TFG: variants seen among roughly 807,000 people sequenced by gnomAD.
TFG encodes the protein trafficking from ER to golgi regulator.
TFG carries 22 observed loss-of-function variants against 51.4 expected under a neutral mutation model. The ratio of observed to expected loss-of-function variants is 0.43; its 90% CI spans 0.31 to 0.61. The LOEUF (loss-of-function observed/expected upper bound fraction) is 0.61, where lower values mean the gene tolerates loss of function less well. Ranked by LOEUF, TFG falls within the 20% of genes least tolerant of loss-of-function variation. The pLI, the probability that TFG is intolerant of heterozygous loss-of-function variation, is 0.12. For synonymous variants in TFG, 187 were observed against 165.6 expected (o/e 1.13, Z -0.99); for missense variants, 419 against 487.7 (o/e 0.86, Z 1.33).
At chr3:100,718,307 T>G (rs957295359) in intron 2 of TFG, among the ~76,000 whole-genome samples, 1 of 152,218 alleles carries the variant, frequency 6.6e-6, no homozygotes, top group Non-Finnish European at 1.5e-5. Flanking sequence ...TCTTAACTAC[T>G]GTTTAGGGCA....
At chr3:100,731,382 T>C (rs1472740061) in intron 4 of TFG, among the ~76,000 whole-genome samples, 1 of 152,216 alleles carries the variant, frequency 6.6e-6, no homozygotes, top group East Asian at 1.9e-4. Flanking sequence ...CTGTGGAATA[T>C]CTTAGTATCC....
chr3:100,710,757 A>G (rs1477237841), intron 1 of TFG, among the ~76,000 whole-genome samples: 1 of 152,182 alleles, frequency 6.6e-6, no homozygotes, highest in Non-Finnish European at 1.5e-5. Context: ...TCTGGACTTC[A>G]GAGGGGGCGG....
intron 4 of TFG, among the ~76,000 whole-genome samples, chr3:100,729,729 G>A (rs1432406402): frequency 6.6e-6 from 1 of 152,068 alleles, no homozygotes; most frequent in East Asian, 1.9e-4. Context: ...AATTTTTGTG[G>A]ATAAATGGTA....
At position 100,748,952 on chromosome 3, in the gene TFG, A is replaced by ATGAT. The variant is rs1185035226; in HGVS notation, c.*425_*428dup. ...TAACACTGATGATAGGTTAATAAAGATGATTGAATCCATTAGTGGTCTTGA... is the reference window on the plus strand; with the variant it reads ...TAACACTGATGATAGGTTAATAAAGATGATTGATTGAATCCATTAGTGGTCTTGA... On this transcript the variant is annotated 3_prime_UTR_variant, in exon 8 of 8. Transcript: ENST00000240851. The ATGAT allele has an allele frequency of 5.1e-6, 1 of 197,122 alleles. No individual in the cohort carries two copies. Among genetic ancestry groups the ATGAT allele is most frequent in the Non-Finnish European group, 1.0e-5 (1 of 95,432 alleles). The allele number at this position is 197,122 out of a possible 1,614,324, so 12.2% of individuals were successfully genotyped here. A position where few individuals can be genotyped will look rare whatever the true frequency, so the allele number is the denominator to read the frequency against.
At chr3:100,724,191 A>G (rs1443476281) in intron 3 of TFG, among the ~76,000 whole-genome samples, 1 of 152,216 alleles carries the variant, frequency 6.6e-6, no homozygotes, top group Non-Finnish European at 1.5e-5. Context: ...TCAAACAGTT[A>G]CAAAAGGACA....
intron 2 of TFG, among the ~76,000 whole-genome samples, chr3:100,719,480 A>G (rs1465197994): frequency 6.6e-6 from 1 of 152,220 alleles, no homozygotes; most frequent in Admixed American, 6.5e-5. Context: ...TTTCATCTTA[A>G]TATCAAAATG....
intron 2 of TFG, among the ~76,000 whole-genome samples, chr3:100,716,991 T>G (rs890123431): frequency 1.3e-5 from 2 of 152,218 alleles, no homozygotes; most frequent in African/African-American, 2.4e-5. Flanking sequence ...CTGTAAGTTC[T>G]CTTTTCACTC....
chr3:100,723,222 A>T (rs1176881048), intron 3 of TFG, among the ~76,000 whole-genome samples: 1 of 152,202 alleles, frequency 6.6e-6, no homozygotes, highest in Non-Finnish European at 1.5e-5. Flanking sequence ...GAACATTGTA[A>T]TTACCTTTAG....
chr3:100,740,114 T>TA (rs1280745296), intron 6 of TFG, among the ~76,000 whole-genome samples: 1 of 152,068 alleles, frequency 6.6e-6, no homozygotes, highest in African/African-American at 2.4e-5. Context: ...AGAAAAAACT[T>TA]ACATGTTTCT....
rs75776618 is a variant in TFG at position 100,733,773 on chromosome 3, T to G, written c.580+1101T>G. On this transcript the variant is annotated intron_variant, in intron 5 of 7. Coordinates refer to ENST00000240851, the MANE Select transcript of TFG (RefSeq NM_006070.6). Reference sequence around the variant, plus strand: ...TGTTATTGTTGATCTAGCAGGGAGTTGATTTGTATGGACTTAACATAAATA... The same window carrying G: ...TGTTATTGTTGATCTAGCAGGGAGTGGATTTGTATGGACTTAACATAAATA... Among the ~76,000 whole-genome samples, 1,278 of 152,298 alleles carry G rather than the reference T, an allele frequency of 8.4e-3. 23 individuals carry two copies. Among genetic ancestry groups the G allele is most frequent in the African/African-American group, 0.03 (1,227 of 41,564 alleles).
At chr3:100,718,164 C>T (rs557419381) in intron 2 of TFG, among the ~76,000 whole-genome samples, 91 of 152,240 alleles carry the variant, frequency 6.0e-4, no homozygotes, top group African/African-American at 2.1e-3. Context: ...TGGGCTCAAG[C>T]GATCCTCCTG....
Position 100,728,695 on chromosome 3 carries a change from A to G in TFG, c.269-17A>G. 1.9e-6 allele frequency: 3 copies of G among 1,569,444 alleles called. No homozygotes were observed. Among genetic ancestry groups the G allele is most frequent in the Non-Finnish European group, 2.6e-6 (3 of 1,161,392 alleles). ...CATGAACTTCTAATTTTAAGCAAAT[A>G]AATGTTTTTATTTCAGTTAATGGCC... On this transcript the variant is annotated splice_polypyrimidine_tract_variant and intron_variant, in intron 3 of 7. Coordinates refer to ENST00000240851, the MANE Select transcript of TFG (RefSeq NM_006070.6).
Position 100,744,916 on chromosome 3 carries a change from G to A in TFG, c.805G>A (p.Gly269Ser). ...TCCACCTCAGCAGCCTCAACAGTAT[G>A]GTATTCAGTATTCAGGTGAGCAGGT... ...QAPPQQPQQY[G>S]IQYSASYSQQ... Residue 269 changes from glycine (G) to serine (S), a missense_variant, in exon 7 of 8, where the codon GGT becomes AGT. Gly to Ser is a moderately conservative substitution (Grantham distance 56). This residue lies in a region of TFG where 391 missense variants were observed against 434.4 expected (regional missense o/e 0.90). Transcript: ENST00000240851. The A allele has an allele frequency of 6.2e-7, 1 of 1,612,240 alleles. No homozygotes were observed. Among genetic ancestry groups the A allele is most frequent in the East Asian group, 2.2e-5 (1 of 44,846 alleles).
At position 100,748,662 on chromosome 3, in the gene TFG, GTGT is replaced by G; in HGVS notation, c.*133_*135del. 1 of 1,058,174 alleles carries G rather than the reference GTGT, an allele frequency of 9.5e-7. No individual in the cohort carries two copies. Among genetic ancestry groups the G allele is most frequent in the Non-Finnish European group, 1.3e-6 (1 of 770,268 alleles). 65.5% of individuals were successfully genotyped at this position (1,058,174 alleles called of 1,614,324 possible). A position where few individuals can be genotyped will look rare whatever the true frequency, so the allele number is the denominator to read the frequency against. Reference sequence around the variant, plus strand: ...AGCATTTTTTATGATATCATTGTTGGTGTTAATTGAAAGTATAATTTGCTGGAA... The same window carrying G: ...AGCATTTTTTATGATATCATTGTTGGTAATTGAAAGTATAATTTGCTGGAA... On this transcript the variant is annotated 3_prime_UTR_variant, in exon 8 of 8. Coordinates refer to ENST00000240851, the MANE Select transcript of TFG (RefSeq NM_006070.6).
At chr3:100,745,282 G>A (rs2095131998) in intron 7 of TFG, among the ~76,000 whole-genome samples, 1 of 151,962 alleles carries the variant, frequency 6.6e-6, no homozygotes, top group South Asian at 2.1e-4. Context: ...TATGTAACAC[G>A]TAATTCCAGT....
At chr3:100,738,066 T>C (rs2095111395) in intron 6 of TFG, among the ~76,000 whole-genome samples, 1 of 116,346 alleles carries the variant, frequency 8.6e-6, no homozygotes, top group African/African-American at 3.1e-5. Context: ...CGAGACCCTG[T>C]CTCAAAAACA....
chr3:100,719,204 G>A (rs1468793140), intron 2 of TFG, among the ~76,000 whole-genome samples: 1 of 152,118 alleles, frequency 6.6e-6, no homozygotes, highest in South Asian at 2.1e-4. Flanking sequence ...TAGTCTTGTG[G>A]CCTCCCCAGG....
At chr3:100,728,600 T>G in intron 3 of TFG, 112 bp from the exon 4 acceptor site, 8 of 856,282 alleles carry the variant, frequency 9.3e-6, no homozygotes, top group Non-Finnish European at 1.4e-5. Context: ...ATTACATTGA[T>G]ATCTTGTTTT....
At position 100,713,741 on chromosome 3, in the gene TFG, A is replaced by G; in HGVS notation, c.56A>G (p.Glu19Gly). The change falls in exon 2 of 8, where the codon GAG (glutamate) becomes GGG (glycine). Residue 19 changes from glutamate to glycine, a missense_variant. Physicochemically the swap from Glu to Gly is moderately conservative, Grantham distance 98 (BLOSUM62 -2). This residue lies in a region of TFG where 22 missense variants were observed against 27.5 expected (regional missense o/e 0.80). Transcript: ENST00000240851. ...GKLIIKAQLG[E>G]DIRRIPIHNE... The stretch of plus-strand genomic sequence containing the variant: ...CTAATCATCAAAGCTCAACTTGGGG[A>G]GGATATTCGGCGAATTCCTATTCAT... 6.2e-7 allele frequency: 1 copy of G among 1,611,542 alleles called. No homozygotes were observed. Among genetic ancestry groups the G allele is most frequent in the Non-Finnish European group, 8.5e-7 (1 of 1,178,384 alleles).
Sources: gnomAD v4.1 joint callset for allele counts (sites outside exome capture counted in the v4.1 genomes callset) on GRCh38, gnomAD v4.1.1 for gene constraint, gnomAD v4.1.1 regional missense constraint, MANE v1.5 for transcripts, NCBI Gene and HGNC (gene_info 2026-07-23, HGNC 2026-07-21) for gene names.